GUCD1: variants seen among roughly 807,000 people sequenced by gnomAD.
The protein encoded by GUCD1 is guanylyl cyclase domain containing 1.
A neutral mutation model predicts 28.3 loss-of-function variants in GUCD1; 17 were observed. That is an observed-to-expected ratio of 0.60 (90% CI 0.41 to 0.90). The LOEUF (loss-of-function observed/expected upper bound fraction) is 0.90. GUCD1 is among the 40% of genes least tolerant of loss of function. The probability of loss-of-function intolerance (pLI) is 0.00; values close to 1 mark genes in which losing one functional copy is unlikely to be tolerated. For synonymous variants in GUCD1, 129 were observed against 123.3 expected (o/e 1.05, Z -0.30); for missense variants, 279 against 305.5 (o/e 0.91, Z 0.65).
intron 1 of GUCD1, among the ~76,000 whole-genome samples, chr22:24,551,955 T>C (rs916137770): frequency 6.6e-5 from 10 of 152,246 alleles, no homozygotes; most frequent in African/African-American, 2.4e-4. Context: ...CCCTCATCAG[T>C]GAACTAGTGC....
At position 24,543,977 on chromosome 22, in the gene GUCD1, T is replaced by C; in HGVS notation, c.493A>G (p.Lys165Glu). 1 of 1,613,900 alleles carries C rather than the reference T, an allele frequency of 6.2e-7. No individual in the cohort carries two copies. The highest frequency in any genetic ancestry group is 8.5e-7 in the Non-Finnish European group (1 of 1,179,940). The change falls in exon 5 of 6, where the codon AAG (lysine) becomes GAG (glutamate). Residue 165 changes from lysine (K) to glutamate (E), a missense_variant. Transcript: ENST00000435822. ...CCACTGGGGGTGAAGCAGCAGTACT[T>C]GACAGGGCTGGAGCACAGGTCACAG... The part of the protein sequence containing the change: ...LHCDLCSSPV[K>E]YCCFTPSGHH...
chr22:24,547,106 G>A (rs564440908), intron 3 of GUCD1, 101 bp from the exon 4 acceptor site: 2 of 871,662 alleles, frequency 2.3e-6, no homozygotes, highest in Admixed American at 3.7e-5. Flanking sequence ...AGAGACAGCA[G>A]GAGGGCAGAG....
intron 4 of GUCD1, among the ~76,000 whole-genome samples, chr22:24,545,374 A>G (rs965107065): frequency 6.6e-6 from 1 of 152,172 alleles, no homozygotes; most frequent in Non-Finnish European, 1.5e-5. Context: ...GAAAAACTAC[A>G]GGCTTCAAGG....
At position 24,541,727 on chromosome 22, in the gene GUCD1, GGCCAGCTGCCTC is replaced by G. The variant is rs2044597958; in HGVS notation, c.*1267_*1278del. 3 of 152,184 alleles carry G rather than the reference GGCCAGCTGCCTC, an allele frequency of 2.0e-5. No individual in the cohort carries two copies. The highest frequency in any genetic ancestry group is 4.4e-5 in the Non-Finnish European group (3 of 68,036). The allele number at this position is 152,184 out of a possible 1,614,324, so 9.4% of individuals were successfully genotyped here. A position where few individuals can be genotyped will look rare whatever the true frequency, so the allele number is the denominator to read the frequency against. ...TGTCCTGAGCAGACTCCCAAGACTGGGCCAGCTGCCTCGTCAGCTGCCTCGTCTGAGAGGTGA... is the reference window on the plus strand; with the variant it reads ...TGTCCTGAGCAGACTCCCAAGACTGGGTCAGCTGCCTCGTCTGAGAGGTGA... On this transcript the variant is annotated 3_prime_UTR_variant, in exon 6 of 6. Transcript: ENST00000435822.
rs2044588389 is a variant in GUCD1 at position 24,541,406 on chromosome 22, T to A, written c.*1600A>T. 6.6e-6 allele frequency: 1 copy of A among 152,296 alleles called. No homozygotes were observed. Among genetic ancestry groups the A allele is most frequent in the African/African-American group, 2.4e-5 (1 of 41,444 alleles). 9.4% of individuals were successfully genotyped at this position (152,296 alleles called of 1,614,324 possible). ...ACTTTGGGAGGCCGAGGCAGGTGGA[T>A]CACCTGAGCTCAGGGGTTCGAGACC... On this transcript the variant is annotated 3_prime_UTR_variant, in exon 6 of 6. Transcript: ENST00000435822.
intron 5 of GUCD1, 151 bp from the exon 6 acceptor site, chr22:24,543,248 T>G: frequency 1.6e-6 from 1 of 631,282 alleles, no homozygotes; most frequent in Admixed American, 2.3e-5. Context: ...CAGGAAGCCC[T>G]CCTTGCCCAT....
intron 1 of GUCD1, among the ~76,000 whole-genome samples, chr22:24,553,041 T>C (rs909386042): frequency 2.6e-5 from 4 of 152,182 alleles, no homozygotes; most frequent in Admixed American, 1.3e-4. Flanking sequence ...ACCCAAGCCC[T>C]GACCCCTAGG....
intron 5 of GUCD1, 102 bp downstream of exon 5, chr22:24,543,740 G>T (rs2044651952): frequency 3.5e-6 from 5 of 1,426,316 alleles, no homozygotes; most frequent in African/African-American, 2.8e-5. Context: ...AGGGAGGGAG[G>T]CCCTGGCCAC....
chr22:24,541,246 CCA>C lies in GUCD1; in HGVS notation c.*1758_*1759del, dbSNP rs1318403687. On this transcript the variant is annotated 3_prime_UTR_variant, in exon 6 of 6. Coordinates refer to ENST00000435822, the MANE Select transcript of GUCD1 (RefSeq NM_001284254.2). Reference sequence around the variant, plus strand: ...TCCTAAACAGAGCCCACCTCTGCCCCCAGAGTCATCTGTGCTCCAAAGCAATG... The same window carrying C: ...TCCTAAACAGAGCCCACCTCTGCCCCGAGTCATCTGTGCTCCAAAGCAATG... The C allele has an allele frequency of 6.5e-6, 1 of 153,980 alleles. No individual in the cohort carries two copies. The highest frequency in any genetic ancestry group is 1.9e-4 in the East Asian group (1 of 5,198). The allele number at this position is 153,980 out of a possible 1,614,324, so 9.5% of individuals were successfully genotyped here.
intron 5 of GUCD1, 90 bp downstream of exon 5, chr22:24,543,752 C>G (rs1237160488): frequency 2.0e-6 from 3 of 1,516,882 alleles, no homozygotes; most frequent in Admixed American, 3.5e-5. Flanking sequence ...CCTGGCCACA[C>G]TAGATTGAAT....
chr22:24,555,519 A>G (rs957439103), upstream of GUCD1: 31 of 1,392,542 alleles, frequency 2.2e-5, no homozygotes, highest in Admixed American at 2.0e-4. Flanking sequence ...CTCTCCTCCA[A>G]CTGTCTTTAG....
Position 24,548,006 on chromosome 22 carries a change from T to G in GUCD1, c.196A>C (p.Ile66Leu). 2.5e-6 allele frequency: 4 copies of G among 1,614,182 alleles called. No individual in the cohort carries two copies. Among genetic ancestry groups the G allele is most frequent in the Non-Finnish European group, 3.4e-6 (4 of 1,180,016 alleles). Residue 66 changes from isoleucine (I) to leucine (L), a missense_variant, in exon 3 of 6, where the codon ATC (isoleucine) becomes CTC (leucine). Transcript: ENST00000435822. Reference sequence around the variant, plus strand: ...AGGTAGGCCAGGTCGATGGTCCAGATGCTCCTGGTCAGCTGCAGCTTCTGC... The same window carrying G: ...AGGTAGGCCAGGTCGATGGTCCAGAGGCTCCTGGTCAGCTGCAGCTTCTGC... ...ALQKLQLTRS[I>L]WTIDLAYLMH...
At chr22:24,548,166 G>C in intron 2 of GUCD1, 93 bp from the exon 3 acceptor site, 1 of 1,055,928 alleles carries the variant, frequency 9.5e-7, no homozygotes, top group Non-Finnish European at 1.4e-6. Flanking sequence ...CCCCGTCACA[G>C]GTCCCATTCC....
chr22:24,545,271 G>A (rs1449227515), intron 4 of GUCD1, among the ~76,000 whole-genome samples: 1 of 152,090 alleles, frequency 6.6e-6, no homozygotes, highest in African/African-American at 2.4e-5. Flanking sequence ...TTTCCATTTG[G>A]TCTTTGAAAC....
chr22:24,551,145 G>A (rs943122044), intron 1 of GUCD1, among the ~76,000 whole-genome samples: 1 of 152,194 alleles, frequency 6.6e-6, no homozygotes, highest in African/African-American at 2.4e-5. Flanking sequence ...GGACAAGAAC[G>A]TCTATAAAGC....
rs569537373 is a variant in GUCD1, at chr22:24,540,599, A to C, written c.*2407T>G. ...TGCTGTGCTGGTCCCCAGCATGTGA[A>C]CAGGCTGGGCAGCTGTCGGTGTCAT... On this transcript the variant is annotated 3_prime_UTR_variant, in exon 6 of 6. Coordinates refer to ENST00000435822, the MANE Select transcript of GUCD1 (RefSeq NM_001284254.2). 2 of 152,338 alleles carry C rather than the reference A, an allele frequency of 1.3e-5. No homozygotes were observed. Among genetic ancestry groups the C allele is most frequent in the African/African-American group, 4.8e-5 (2 of 41,570 alleles). 9.4% of individuals were successfully genotyped at this position (152,338 alleles called of 1,614,324 possible). A position where few individuals can be genotyped will look rare whatever the true frequency, so the allele number is the denominator to read the frequency against.
intron 1 of GUCD1, 100 bp from the exon 2 acceptor site, chr22:24,549,101 G>A: frequency 1.3e-6 from 1 of 786,826 alleles, no homozygotes; most frequent in Non-Finnish European, 2.1e-6. Flanking sequence ...AGACCCTGCA[G>A]GGGCTGCTCA....
chr22:24,547,522 T>A (rs1464737405), intron 3 of GUCD1: 1 of 208,036 alleles, frequency 4.8e-6, no homozygotes, highest in African/African-American at 2.3e-5. Flanking sequence ...CTGGCTCTCC[T>A]GGTGAAAAGT....
upstream of GUCD1, chr22:24,555,621 G>A (rs2045041026): frequency 1.3e-6 from 2 of 1,550,546 alleles, no homozygotes; most frequent in Non-Finnish European, 1.7e-6. Context: ...TTACCTGGCG[G>A]TGCCGGGATC....
Sources: allele counts gnomAD v4.1 joint callset (sites outside exome capture counted in the v4.1 genomes callset), GRCh38; gene constraint gnomAD v4.1.1; transcripts MANE v1.5; gene names NCBI Gene and HGNC (gene_info 2026-07-23, HGNC 2026-07-21).